Variants in NRG3 observed in about 807,000 individuals in gnomAD.
NRG3 encodes pro-neuregulin-3, membrane-bound isoform.
In NRG3, 31 loss-of-function variants were observed where a neutral mutation model predicts 66.9. The observed-to-expected ratio is 0.46, with a 90% confidence interval of 0.35 to 0.63. NRG3 has a LOEUF of 0.63. NRG3 is among the 20% of genes least tolerant of loss of function. NRG3 has a pLI of 0.00. For synonymous variants in NRG3, 393 were observed against 359.4 expected, an observed-to-expected ratio of 1.09 and a Z score of -1.06; for missense variants, 910 against 878.9, an observed-to-expected ratio of 1.04 and a Z score of -0.45.
chr10:82,922,210 A>G (rs1846493364), intron 4 of NRG3, among the ~76,000 whole-genome samples: 1 of 152,046 alleles, frequency 6.6e-6, no homozygotes, highest in Non-Finnish European at 1.5e-5. Context: ...TATGCACTGA[A>G]CAGAACTACA....
chr10:82,398,874 T>C (rs2086897624), intron 2 of NRG3, among the ~76,000 whole-genome samples: 2 of 152,140 alleles, frequency 1.3e-5, no homozygotes. Context: ...CTTTTCCGAC[T>C]TGATGAAGGC....
At chr10:81,956,331 G>C (rs978296176) in intron 1 of NRG3, among the ~76,000 whole-genome samples, 1 of 152,112 alleles carries the variant, frequency 6.6e-6, no homozygotes, top group African/African-American at 2.4e-5. Flanking sequence ...CAACTCAGAG[G>C]GACAGTGAGT....
intron 1 of NRG3, among the ~76,000 whole-genome samples, chr10:82,078,564 A>G (rs776010167): frequency 6.6e-6 from 1 of 152,088 alleles, no homozygotes; most frequent in Non-Finnish European, 1.5e-5. Flanking sequence ...GTTAGCCAGG[A>G]TGGTCTCGAT....
At chr10:82,587,986 A>G (rs1175049936) in intron 2 of NRG3, among the ~76,000 whole-genome samples, 1 of 152,198 alleles carries the variant, frequency 6.6e-6, no homozygotes, top group Non-Finnish European at 1.5e-5. Flanking sequence ...ACATGTGTTT[A>G]TATACATTTG....
chr10:82,917,462 C>T (rs1845949215), intron 4 of NRG3, among the ~76,000 whole-genome samples: 1 of 152,184 alleles, frequency 6.6e-6, no homozygotes, highest in Admixed American at 6.5e-5. Flanking sequence ...TGTGCAGAGC[C>T]TGGTGTGCAT....
At chr10:82,071,737 C>T (rs1487323387) in intron 1 of NRG3, among the ~76,000 whole-genome samples, 1 of 152,128 alleles carries the variant, frequency 6.6e-6, no homozygotes, top group Non-Finnish European at 1.5e-5. Flanking sequence ...ACTCTGGACA[C>T]TGTGTCAAGA....
At chr10:82,704,379 AGGGACAGTT>A (rs1402280353) in intron 2 of NRG3, among the ~76,000 whole-genome samples, 3 of 152,210 alleles carry the variant, frequency 2.0e-5, no homozygotes, top group Non-Finnish European at 4.4e-5. Context: ...AGCATTTTTG[AGGGACAGTT>A]GGTAGTTACA....
intron 1 of NRG3, among the ~76,000 whole-genome samples, chr10:82,344,798 A>T (rs1379374015): frequency 1.5e-5 from 2 of 132,310 alleles, no homozygotes; most frequent in Non-Finnish European, 3.0e-5. Flanking sequence ...TTTGATTTGC[A>T]TTTCTCTGAT....
chr10:82,181,283 G>A (rs2073401213), intron 1 of NRG3, among the ~76,000 whole-genome samples: 1 of 150,522 alleles, frequency 6.6e-6, no homozygotes. Flanking sequence ...CTCCTTTCTG[G>A]TAGCTTTGGA....
chr10:82,649,812 A>T (rs2133879372), intron 2 of NRG3, among the ~76,000 whole-genome samples: 1 of 152,136 alleles, frequency 6.6e-6, no homozygotes, highest in Admixed American at 6.5e-5. Context: ...AAACTGCTAG[A>T]AGCTATGCTA....
chr10:82,363,186 A>G (rs2084299487), intron 2 of NRG3, among the ~76,000 whole-genome samples: 1 of 152,242 alleles, frequency 6.6e-6, no homozygotes. Flanking sequence ...AGGGAAATTG[A>G]CAAAGGGGAG....
chr10:82,776,110 A>T (rs1479567933), intron 3 of NRG3, among the ~76,000 whole-genome samples: 1 of 152,136 alleles, frequency 6.6e-6, no homozygotes, highest in African/African-American at 2.4e-5. Context: ...TTTGTAAGGC[A>T]GTTCTATTGG....
intron 2 of NRG3, among the ~76,000 whole-genome samples, chr10:82,568,310 T>C (rs1002783997): frequency 6.6e-6 from 1 of 151,934 alleles, no homozygotes; most frequent in Non-Finnish European, 1.5e-5. Flanking sequence ...GTGAGCTACC[T>C]ATCAGCTGAA....
intron 1 of NRG3, among the ~76,000 whole-genome samples, chr10:82,293,493 T>G (rs554743221): frequency 6.6e-6 from 1 of 152,298 alleles, no homozygotes; most frequent in Non-Finnish European, 1.5e-5. Context: ...CTTCCTTTAG[T>G]CAAAGAATGA....
At chr10:82,381,157 G>A (rs2085589752) in intron 2 of NRG3, among the ~76,000 whole-genome samples, 1 of 152,076 alleles carries the variant, frequency 6.6e-6, no homozygotes, top group Admixed American at 6.5e-5. Flanking sequence ...GGTGTTTTGG[G>A]GGAAGGAAGA....
intron 2 of NRG3, among the ~76,000 whole-genome samples, chr10:82,418,582 C>A (rs2088805326): frequency 6.6e-6 from 1 of 151,976 alleles, no homozygotes; most frequent in South Asian, 2.1e-4. Flanking sequence ...TGGGGAAAAA[C>A]CCTCCAGTGT....
intron 2 of NRG3, among the ~76,000 whole-genome samples, chr10:82,593,189 G>A (rs2047080639): frequency 6.6e-6 from 1 of 152,142 alleles, no homozygotes; most frequent in Non-Finnish European, 1.5e-5. Context: ...CATAATAAGA[G>A]TTGTAAGAGT....
chr10:82,822,473 T>C (rs1230485985), intron 3 of NRG3, among the ~76,000 whole-genome samples: 2 of 152,166 alleles, frequency 1.3e-5, no homozygotes, highest in South Asian at 2.1e-4. Context: ...ACTCTGGCTA[T>C]TGCCAAGCTT....
chr10:82,308,929 C>A (rs1312630057), intron 1 of NRG3, among the ~76,000 whole-genome samples: 4 of 152,158 alleles, frequency 2.6e-5, no homozygotes, highest in African/African-American at 7.2e-5. Context: ...CCTCTGTTTT[C>A]CTTCTCTTCC....
Sources: gnomAD v4.1 joint callset for allele counts (sites outside exome capture counted in the v4.1 genomes callset) on GRCh38, gnomAD v4.1.1 for gene constraint, MANE v1.5 for transcripts, NCBI Gene and HGNC (gene_info 2026-07-23, HGNC 2026-07-21) for gene names.